SLC17A1: variants seen among roughly 807,000 people sequenced by gnomAD.
The protein encoded by SLC17A1 is sodium-dependent phosphate transport protein 1.
A neutral mutation model predicts 53.5 loss-of-function variants in SLC17A1; 51 were observed. The ratio of observed to expected loss-of-function variants is 0.95; its 90% CI spans 0.76 to 1.20. The LOEUF is 1.20. Ranked by LOEUF, SLC17A1 falls within the 50% of genes most tolerant of loss-of-function variation. The pLI, the probability that SLC17A1 is intolerant of heterozygous loss-of-function variation, is 0.00. For synonymous variants in SLC17A1, 179 were observed against 198.8 expected, an observed-to-expected ratio of 0.90 and a Z score of 0.84; for missense variants, 538 against 568.2, an observed-to-expected ratio of 0.95 and a Z score of 0.54.
chr6:25,724,461 T>C, the SLC17A1 span, among the ~76,000 whole-genome samples: 1 of 152,190 alleles, frequency 6.6e-6, no homozygotes, highest in Non-Finnish European at 1.5e-5. Context: ...AGGTAAATTG[T>C]TTTGAAAAAT....
chr6:25,830,425 C>T (rs1357723349), intron 2 of SLC17A1, 99 bp downstream of exon 2: 2 of 918,436 alleles, frequency 2.2e-6, no homozygotes, highest in Middle Eastern at 2.2e-4. Context: ...ATTTTTAAGA[C>T]CCCATATGTA....
the SLC17A1 span, chr6:25,726,125 C>T: frequency 3.3e-6 from 5 of 1,519,904 alleles, no homozygotes; most frequent in Non-Finnish European, 3.5e-6. Context: ...CCAATGACAA[C>T]CTTAAGTTAC....
At chr6:25,820,213 T>C (rs1374863965) in intron 3 of SLC17A1, among the ~76,000 whole-genome samples, 1 of 152,238 alleles carries the variant, frequency 6.6e-6, no homozygotes. Flanking sequence ...CTAAACTGCA[T>C]GTAAACTCCT....
At chr6:25,820,655 C>A (rs1048969058) in intron 3 of SLC17A1, among the ~76,000 whole-genome samples, 2 of 151,806 alleles carry the variant, frequency 1.3e-5, no homozygotes, top group Non-Finnish European at 2.9e-5. Flanking sequence ...ACGAGGCGGG[C>A]GGATCACGAG....
At chr6:25,787,592 G>A (rs1335147349) in intron 12 of SLC17A1, among the ~76,000 whole-genome samples, 1 of 152,190 alleles carries the variant, frequency 6.6e-6, no homozygotes, top group Non-Finnish European at 1.5e-5. Flanking sequence ...GTTGCCTGCT[G>A]CCTCAAAATC....
intron 6 of SLC17A1, among the ~76,000 whole-genome samples, chr6:25,816,671 C>T (rs994537702): frequency 7.9e-5 from 12 of 152,110 alleles, no homozygotes; most frequent in Admixed American, 2.6e-4. Flanking sequence ...TTAAGGAGAG[C>T]GTGAGATGCT....
chr6:25,790,730 C>A lies in SLC17A1; in HGVS notation c.*3-7512G>T, dbSNP rs148634764. The stretch of plus-strand genomic sequence containing the variant: ...GACAATTCATTGACATAATTAAATG[C>A]CTATTTTAAATTAACAGCCAATTTA... On this transcript the variant is annotated intron_variant, in intron 12 of 12. Transcript: ENST00000244527. Among the ~76,000 whole-genome samples, 332 of 152,226 alleles carry A rather than the reference C, an allele frequency of 2.2e-3. 1 individual carries two copies. Among genetic ancestry groups the A allele is most frequent in the African/African-American group, 6.8e-3 (281 of 41,566 alleles).
At chr6:25,769,282 A>G in the SLC17A1 span, 152,175 of 1,185,502 alleles carry the variant, frequency 0.13, 10,982 homozygotes, top group Middle Eastern at 0.18. Flanking sequence ...ACCACTAAGT[A>G]TTTACTGAAC....
the SLC17A1 span, chr6:25,726,928 A>G: frequency 6.2e-7 from 1 of 1,613,500 alleles, no homozygotes; most frequent in Non-Finnish European, 8.5e-7. Flanking sequence ...GTGTCATCTA[A>G]AGGTGCTACC....
At chr6:25,815,595 A>G (rs1488111429) in intron 6 of SLC17A1, among the ~76,000 whole-genome samples, 2 of 152,062 alleles carry the variant, frequency 1.3e-5, no homozygotes, top group Admixed American at 1.3e-4. Context: ...CTCACCAGAC[A>G]TTCGCTATAG....
At chr6:25,763,134 A>G in the SLC17A1 span, among the ~76,000 whole-genome samples, 1 of 152,184 alleles carries the variant, frequency 6.6e-6, no homozygotes, top group East Asian at 1.9e-4. Context: ...ATTTGTCTAA[A>G]GTGGAACTTC....
the SLC17A1 span, among the ~76,000 whole-genome samples, chr6:25,767,928 A>G: frequency 6.6e-6 from 1 of 152,236 alleles, no homozygotes; most frequent in Non-Finnish European, 1.5e-5. Context: ...TTACACAACA[A>G]TAAAAAGTAA....
chr6:25,764,811 T>G, the SLC17A1 span, among the ~76,000 whole-genome samples: 3 of 152,238 alleles, frequency 2.0e-5, no homozygotes, highest in Admixed American at 6.5e-5. Context: ...CTTTCTGATC[T>G]GCAATTTAGC....
At chr6:25,771,463 A>C in the SLC17A1 span, among the ~76,000 whole-genome samples, 5 of 151,644 alleles carry the variant, frequency 3.3e-5, no homozygotes, top group Admixed American at 3.3e-4. Context: ...AATCCCAGCT[A>C]CTCGGGAGGC....
chr6:25,779,113 C>G (rs761499091), downstream of SLC17A1: 44 of 1,613,762 alleles, frequency 2.7e-5, no homozygotes, highest in Non-Finnish European at 3.5e-5. Context: ...ACATATCGGG[C>G]CTGGTTTTCT....
chr6:25,796,862 T>G (rs1035920302), intron 12 of SLC17A1, among the ~76,000 whole-genome samples: 3 of 152,202 alleles, frequency 2.0e-5, no homozygotes, highest in Non-Finnish European at 2.9e-5. Context: ...TCTCAGCCCC[T>G]CTCTCTTAAC....
the SLC17A1 span, among the ~76,000 whole-genome samples, chr6:25,730,247 T>C: frequency 5.8e-3 from 890 of 152,276 alleles, 14 homozygotes; most frequent in African/African-American, 0.02. Context: ...AGACAAGATA[T>C]AGAAAGAACA....
intron 10 of SLC17A1, among the ~76,000 whole-genome samples, chr6:25,810,976 A>C (rs555655199): frequency 8.6e-4 from 131 of 152,298 alleles, no homozygotes; most frequent in African/African-American, 3.1e-3. Flanking sequence ...CCTGGAGGAC[A>C]TTAAGTGAAA....
At chr6:25,768,374 T>C in the SLC17A1 span, 1 of 986,120 alleles carries the variant, frequency 1.0e-6, no homozygotes, top group Non-Finnish European at 1.2e-6. Flanking sequence ...GTCAAACTAA[T>C]GTATATGGAC....
Sources: gnomAD v4.1 joint callset for allele counts (sites outside exome capture counted in the v4.1 genomes callset) on GRCh38, gnomAD v4.1.1 for gene constraint, MANE v1.5 for transcripts, NCBI Gene and HGNC (gene_info 2026-07-23, HGNC 2026-07-21) for gene names.